SLC35A1: variants seen among roughly 807,000 people sequenced by gnomAD.
The protein encoded by SLC35A1 is solute carrier family 35 member A1, also known as CMP-sialic acid transporter.
A neutral mutation model predicts 40.3 loss-of-function variants in SLC35A1; 21 were observed. The ratio of observed to expected loss-of-function variants is 0.52; its 90% CI spans 0.37 to 0.75. SLC35A1 has a LOEUF of 0.75. SLC35A1 is among the 30% of genes least tolerant of loss of function. The pLI is 0.00. For synonymous variants in SLC35A1, 146 were observed against 147.3 expected (o/e 0.99, Z 0.06); for missense variants, 297 against 382.1 (o/e 0.78, Z 1.86).
intron 2 of SLC35A1, among the ~76,000 whole-genome samples, chr6:87,486,546 A>G (rs1010663836): frequency 1.3e-5 from 2 of 152,164 alleles, no homozygotes; most frequent in Admixed American, 1.3e-4. Context: ...ATGGACTTAT[A>G]GTCTGTTGGA....
intron 2 of SLC35A1, among the ~76,000 whole-genome samples, chr6:87,497,073 C>T (rs1370137281): frequency 1.3e-5 from 2 of 151,690 alleles, no homozygotes; most frequent in East Asian, 3.9e-4. Context: ...AATTATTTAC[C>T]CTCTTCTTTA....
At chr6:87,509,639 T>C (rs1454300147) in intron 7 of SLC35A1, among the ~76,000 whole-genome samples, 1 of 152,194 alleles carries the variant, frequency 6.6e-6, no homozygotes, top group Non-Finnish European at 1.5e-5. Context: ...TGCTTTGCAT[T>C]TGGGTGTGAG....
intron 2 of SLC35A1, among the ~76,000 whole-genome samples, chr6:87,486,587 G>T (rs1199473680): frequency 6.6e-6 from 1 of 151,880 alleles, no homozygotes; most frequent in African/African-American, 2.4e-5. Flanking sequence ...TAATAAATAG[G>T]TGATGTTATG....
intron 2 of SLC35A1, among the ~76,000 whole-genome samples, chr6:87,497,196 G>GCCT (rs10659816): frequency 6.6e-6 from 1 of 150,422 alleles, no homozygotes; most frequent in Non-Finnish European, 1.5e-5. Context: ...AGCATCCTCT[G>GCCT]TTTTTTTTTG....
At chr6:87,490,726 T>C (rs1043054579) in intron 2 of SLC35A1, among the ~76,000 whole-genome samples, 2 of 152,214 alleles carry the variant, frequency 1.3e-5, no homozygotes, top group African/African-American at 4.8e-5. Flanking sequence ...GCACTGAAAG[T>C]GTATTATTGC....
In SLC35A1 at chr6:87,511,456, T is replaced by C. The variant is rs761210561; in HGVS notation, c.944T>C (p.Leu315Ser). 1 of 1,613,018 alleles carries C rather than the reference T, an allele frequency of 6.2e-7. No homozygotes were observed. ...TGTGTTTCCATATATCTCTATGGAT[T>C]ACCCAGACAAGACACTACATCCATC... ...LVCVSIYLYG[L>S]PRQDTTSIQQ... Residue 315 changes from leucine (L) to serine (S), a missense_variant, in exon 8 of 8, where the codon TTA becomes TCA. Transcript: ENST00000369552.
intron 2 of SLC35A1, among the ~76,000 whole-genome samples, chr6:87,493,177 A>G (rs1769605113): frequency 6.6e-6 from 1 of 152,158 alleles, no homozygotes; most frequent in Non-Finnish European, 1.5e-5. Context: ...CATTATTATC[A>G]TTATTTTGAT....
intron 1 of SLC35A1, among the ~76,000 whole-genome samples, chr6:87,474,300 C>T (rs1036108342): frequency 6.6e-6 from 1 of 152,198 alleles, no homozygotes; most frequent in Non-Finnish European, 1.5e-5. Flanking sequence ...AAGGATTTAT[C>T]TGGGACTTAC....
At chr6:87,488,012 A>G (rs1247414165) in intron 2 of SLC35A1, 2 of 152,224 alleles carry the variant, frequency 1.3e-5, no homozygotes, top group Non-Finnish European at 2.9e-5. Context: ...GTTTCCTAGT[A>G]TAAACAATTG....
At position 87,490,335 on chromosome 6, in the gene SLC35A1, A is replaced by ATT. The variant is rs55804456; in HGVS notation, c.195-10158_195-10157dup. 1.0e-3 allele frequency among the ~76,000 whole-genome samples: 141 copies of ATT among 138,338 alleles called. 2 individuals are homozygous for ATT. The highest frequency in any genetic ancestry group is 2.9e-3 in the Admixed American group (40 of 13,646). The allele number at this position is 138,338 out of a possible 152,430, so 90.8% of individuals were successfully genotyped here. A position where few individuals can be genotyped will look rare whatever the true frequency, so the allele number is the denominator to read the frequency against. On this transcript the variant is annotated intron_variant, in intron 2 of 7. Transcript: ENST00000369552. The stretch of plus-strand genomic sequence containing the variant: ...AGGGTGCCTGATATATATTGTCATC[A>ATT]TTTTTTTTTTTTTTTTGAGATGGAG...
chr6:87,498,631 C>T (rs375842354), intron 2 of SLC35A1, among the ~76,000 whole-genome samples: 9 of 151,986 alleles, frequency 5.9e-5, no homozygotes, highest in East Asian at 1.9e-4. Flanking sequence ...ATAAGCCGGG[C>T]GTAGTGGCCT....
chr6:87,501,192 T>G lies in SLC35A1; in HGVS notation c.389T>G (p.Leu130Ter). The change falls in exon 4 of 8, where the codon TTA becomes TGA. Residue 130 changes from leucine (L) to a stop codon, truncating the protein, a stop_gained. Transcript: ENST00000369552. LOFTEE classifies it high-confidence loss of function. ...TYQLKIPCTA[L>*]CTVLMLNRTL... ...CAGTTGAAGATTCCGTGTACTGCTT[T>G]ATGCACTGTTTTAATGTTAAACCGG... 1 of 1,614,018 alleles carries G rather than the reference T, an allele frequency of 6.2e-7. No homozygotes were observed. Among genetic ancestry groups the G allele is most frequent in the Non-Finnish European group, 8.5e-7 (1 of 1,179,870 alleles).
At chr6:87,511,084 T>A (rs982102046) in intron 7 of SLC35A1, among the ~76,000 whole-genome samples, 1 of 151,852 alleles carries the variant, frequency 6.6e-6, no homozygotes, top group Non-Finnish European at 1.5e-5. Flanking sequence ...TACTTACATT[T>A]AAAAAAAATT....
chr6:87,497,787 G>GGT (rs1478066607), intron 2 of SLC35A1, among the ~76,000 whole-genome samples: 1 of 152,020 alleles, frequency 6.6e-6, no homozygotes, highest in East Asian at 1.9e-4. Flanking sequence ...GGAGTGCAGT[G>GGT]GTGGCATCAT....
At chr6:87,494,697 T>A (rs1459063715) in intron 2 of SLC35A1, among the ~76,000 whole-genome samples, 1 of 152,202 alleles carries the variant, frequency 6.6e-6, no homozygotes, top group Non-Finnish European at 1.5e-5. Flanking sequence ...AGTGCTGGGA[T>A]TACAGGCATG....
chr6:87,509,009 G>A (rs940993269), intron 6 of SLC35A1, 32 bp from the exon 7 acceptor site: 2 of 1,611,806 alleles, frequency 1.2e-6, no homozygotes, highest in African/African-American at 2.7e-5. Context: ...ATTTATTTGA[G>A]TGATAAGATT....
intron 2 of SLC35A1, among the ~76,000 whole-genome samples, chr6:87,494,427 T>C (rs1582182320): frequency 6.6e-6 from 1 of 150,962 alleles, no homozygotes; most frequent in South Asian, 2.1e-4. Flanking sequence ...TTTGAATTTT[T>C]TTTTTTTTTT....
chr6:87,508,991 A>AATG, intron 6 of SLC35A1, 50 bp from the exon 7 acceptor site: 1 of 1,598,672 alleles, frequency 6.3e-7, no homozygotes, highest in Non-Finnish European at 8.6e-7. Context: ...ACCATTATGT[A>AATG]ATGTTTCATT....
intron 2 of SLC35A1, chr6:87,488,163 G>A (rs1166592459): frequency 1.3e-5 from 2 of 152,096 alleles, no homozygotes; most frequent in African/African-American, 4.8e-5. Flanking sequence ...TGGATTAAAT[G>A]GGTCTGGAAC....
Sources: gnomAD v4.1 joint callset for allele counts (sites outside exome capture counted in the v4.1 genomes callset) on GRCh38, gnomAD v4.1.1 for gene constraint, MANE v1.5 for transcripts, NCBI Gene and HGNC (gene_info 2026-07-23, HGNC 2026-07-21) for gene names.